Variants in WDSUB1 observed in about 807,000 individuals in gnomAD.
WDSUB1 encodes the protein WD repeat, sterile alpha motif and U-box domain containing 1, also known as WD repeat, SAM and U-box domain-containing protein 1.
A neutral mutation model predicts 53.9 loss-of-function variants in WDSUB1; 49 were observed. The observed-to-expected ratio is 0.91, with a 90% CI of 0.72 to 1.15. The LOEUF (loss-of-function observed/expected upper bound fraction) is 1.15, where lower values mean the gene tolerates loss of function less well. Among genes scored for constraint, WDSUB1 ranks in the 50% most tolerant of loss-of-function variants. The pLI is 0.00. For missense variants in WDSUB1, 514 were observed against 562.0 expected, an observed-to-expected ratio of 0.91 and a Z score of 0.86; for synonymous variants, 194 against 200.6, an observed-to-expected ratio of 0.97 and a Z score of 0.28.
At chr2:159,285,438 G>T (rs555029742) in intron 1 of WDSUB1, among the ~76,000 whole-genome samples, 4 of 152,240 alleles carry the variant, frequency 2.6e-5, no homozygotes, top group African/African-American at 9.6e-5. Flanking sequence ...GGGCGCGATG[G>T]TGCACACCTG....
rs550731331 is a variant in WDSUB1, at chr2:159,250,944, A to G, written c.1133-2432T>C. Among the ~76,000 whole-genome samples the G allele has an allele frequency of 1.3e-4, 20 of 152,214 alleles. 1 individual carries two copies. In the South Asian group the frequency reaches 4.1e-3, roughly 32 times the overall value. Reference sequence around the variant, plus strand: ...TTTGCAATAAGACAGTAGACATCTCATTTAAAGAGATAATTATATAACATA... The same window carrying G: ...TTTGCAATAAGACAGTAGACATCTCGTTTAAAGAGATAATTATATAACATA... On this transcript the variant is annotated intron_variant, in intron 9 of 10. Transcript: ENST00000359774.
At chr2:159,281,418 C>G (rs1558882031) in intron 2 of WDSUB1, among the ~76,000 whole-genome samples, 1 of 152,070 alleles carries the variant, frequency 6.6e-6, no homozygotes, top group African/African-American at 2.4e-5. Flanking sequence ...AAAATGATAA[C>G]TTCTGTTACG....
chr2:159,283,060 G>T lies in WDSUB1; in HGVS notation c.10C>A (p.Leu4Met). 1 of 1,601,036 alleles carries T rather than the reference G, an allele frequency of 6.2e-7. No individual in the cohort carries two copies. ...CCATGATCAGCTAATGTGTGAATCA[G>T]TTTCACCATGTTCTTTATTTGAAGA... MVK[L>M]IHTLADHGDD... The change falls in exon 2 of 11, where the codon CTG becomes ATG. Residue 4 changes from leucine (L) to methionine (M), a missense_variant. Coordinates refer to ENST00000359774, the MANE Select transcript of WDSUB1 (RefSeq NM_001128212.3).
intron 1 of WDSUB1, among the ~76,000 whole-genome samples, chr2:159,284,145 C>G (rs1159827203): frequency 2.0e-5 from 3 of 152,082 alleles, no homozygotes; most frequent in Non-Finnish European, 2.9e-5. Flanking sequence ...AACCTGTTAC[C>G]TGGGATAAGA....
chr2:159,267,514 A>C (rs2061368537), intron 5 of WDSUB1, among the ~76,000 whole-genome samples: 1 of 152,006 alleles, frequency 6.6e-6, no homozygotes, highest in Non-Finnish European at 1.5e-5. Flanking sequence ...TGTGTTGTCC[A>C]GGCTGGTCTC....
intron 9 of WDSUB1, among the ~76,000 whole-genome samples, chr2:159,253,491 G>C (rs964213448): frequency 1.3e-5 from 2 of 152,152 alleles, no homozygotes; most frequent in African/African-American, 4.8e-5. Context: ...AAAAAGATTT[G>C]ATAAACTGCT....
At chr2:159,269,223 T>C (rs529022139) in intron 5 of WDSUB1, among the ~76,000 whole-genome samples, 2 of 143,450 alleles carry the variant, frequency 1.4e-5, no homozygotes, top group South Asian at 4.4e-4. Flanking sequence ...CAGGCTGGAG[T>C]GCAGTGGTGT....
intron 5 of WDSUB1, among the ~76,000 whole-genome samples, chr2:159,261,011 T>C (rs183474647): frequency 3.3e-5 from 5 of 152,356 alleles, no homozygotes; most frequent in Admixed American, 1.3e-4. Flanking sequence ...ATAGAAATTA[T>C]ACTTTAAAAG....
At chr2:159,266,434 C>T (rs57438680) in intron 5 of WDSUB1, among the ~76,000 whole-genome samples, 1,967 of 152,248 alleles carry the variant, frequency 0.013, 45 homozygotes, top group African/African-American at 0.045. Flanking sequence ...ATGATCCGCC[C>T]GCCTCGGCCT....
intron 10 of WDSUB1, among the ~76,000 whole-genome samples, chr2:159,242,879 G>C (rs986300834): frequency 8.8e-5 from 13 of 147,548 alleles, no homozygotes; most frequent in African/African-American, 3.2e-4. Context: ...ATACAAACAG[G>C]TCCTGAAAAT....
chr2:159,252,063 C>G (rs2060962247), intron 9 of WDSUB1, among the ~76,000 whole-genome samples: 1 of 152,196 alleles, frequency 6.6e-6, no homozygotes, highest in African/African-American at 2.4e-5. Flanking sequence ...TGACTCACCT[C>G]TCCCCTACCC....
chr2:159,237,907 T>C (rs2060530393), intron 10 of WDSUB1, among the ~76,000 whole-genome samples: 1 of 47,184 alleles, frequency 2.1e-5, no homozygotes, highest in Non-Finnish European at 6.5e-5. Context: ...ATTTCAGAAG[T>C]AGGATTGCTA....
At chr2:159,281,324 A>C (rs1206526597) in intron 2 of WDSUB1, among the ~76,000 whole-genome samples, 1 of 152,098 alleles carries the variant, frequency 6.6e-6, no homozygotes, top group Non-Finnish European at 1.5e-5. Context: ...CTGCAGCCTC[A>C]AACACCTGGG....
chr2:159,274,229 C>T (rs1025793051), intron 4 of WDSUB1, among the ~76,000 whole-genome samples: 4 of 152,160 alleles, frequency 2.6e-5, no homozygotes, highest in Admixed American at 1.3e-4. Context: ...ACTGGCCAAG[C>T]GCAGTGGCCC....
chr2:159,266,169 T>C (rs948298028), intron 5 of WDSUB1, among the ~76,000 whole-genome samples: 1 of 152,138 alleles, frequency 6.6e-6, no homozygotes, highest in Non-Finnish European at 1.5e-5. Context: ...TTTAGGGTAA[T>C]AACTTTTAAG....
At chr2:159,241,136 G>A (rs1458807758) in intron 10 of WDSUB1, among the ~76,000 whole-genome samples, 1 of 152,178 alleles carries the variant, frequency 6.6e-6, no homozygotes, top group Non-Finnish European at 1.5e-5. Flanking sequence ...AGCAGAGTGG[G>A]CAGATCAGGT....
At chr2:159,237,143 T>G (rs2151027015) in intron 10 of WDSUB1, among the ~76,000 whole-genome samples, 1 of 152,356 alleles carries the variant, frequency 6.6e-6, no homozygotes, top group South Asian at 2.1e-4. Flanking sequence ...AATTTTAAGA[T>G]TACTTTATGG....
At chr2:159,239,086 C>T (rs1232475055) in intron 10 of WDSUB1, among the ~76,000 whole-genome samples, 11 of 152,280 alleles carry the variant, frequency 7.2e-5, no homozygotes, top group East Asian at 1.9e-4. Flanking sequence ...ACTGCAGCCT[C>T]GACCTCCCAG....
chr2:159,271,781 A>G lies in WDSUB1; in HGVS notation c.691T>C (p.Tyr231His). 1 of 1,613,930 alleles carries G rather than the reference A, an allele frequency of 6.2e-7. No homozygotes were observed. Residue 231 changes from tyrosine (Y) to histidine (H), a missense_variant, in exon 5 of 11, where the codon TAT (tyrosine) becomes CAT (histidine). Physicochemically the swap from Tyr to His is moderately conservative, Grantham distance 83. Transcript: ENST00000359774. ...CAGTGCCCACTCAGTGTACTTTTAT[A>G]TTTTAATTCAAAACCTGCAAATAAC... is the stretch of plus-strand genomic sequence containing the variant. ...FTHILGFELKYKSTLSGHCAP... is the reference protein window; with the variant it reads ...FTHILGFELKHKSTLSGHCAP...
Sources: gnomAD v4.1 joint callset for allele counts (sites outside exome capture counted in the v4.1 genomes callset) on GRCh38, gnomAD v4.1.1 for gene constraint, MANE v1.5 for transcripts, NCBI Gene and HGNC (gene_info 2026-07-23, HGNC 2026-07-21) for gene names.